The following ZNF92 variants were observed in gnomAD, a reference collection of about 807,000 sequenced individuals.
ZNF92 encodes epididymis luminal protein 203.
A neutral mutation model predicts 12.4 loss-of-function variants in ZNF92; 11 were observed. That is an observed-to-expected ratio of 0.89 (90% confidence interval 0.56 to 1.47). The LOEUF is 1.47. ZNF92 is among the 40% of genes most tolerant of loss of function. The pLI, the probability that ZNF92 is intolerant of heterozygous loss-of-function variation, is 0.00. For missense variants in ZNF92, 622 were observed against 681.0 expected (o/e 0.91, Z 0.96); for synonymous variants, 206 against 228.6 (o/e 0.90, Z 0.89).
At chr7:65,375,584 C>CT (rs938670542) in intron 1 of ZNF92, among the ~76,000 whole-genome samples, 2 of 151,738 alleles carry the variant, frequency 1.3e-5, no homozygotes, top group African/African-American at 2.4e-5. Flanking sequence ...CCAGGATTCT[C>CT]TAAGATTTGT....
intron 1 of ZNF92, among the ~76,000 whole-genome samples, chr7:65,382,439 G>T (rs1793446292): frequency 6.6e-6 from 1 of 151,900 alleles, no homozygotes; most frequent in Non-Finnish European, 1.5e-5. Flanking sequence ...TTTGTCTCAG[G>T]CTTCCAGTCA....
chr7:65,380,586 TTATC>T (rs1235018822), intron 1 of ZNF92, among the ~76,000 whole-genome samples: 5 of 152,160 alleles, frequency 3.3e-5, no homozygotes, highest in African/African-American at 9.7e-5. Flanking sequence ...TGTATTTTCT[TTATC>T]TAGCCTACCA....
At chr7:65,378,683 G>A (rs1045667032) in intron 1 of ZNF92, among the ~76,000 whole-genome samples, 5 of 151,730 alleles carry the variant, frequency 3.3e-5, no homozygotes, top group South Asian at 2.1e-4. Flanking sequence ...CAGAGCTTGC[G>A]GTGAGCCGAG....
rs899356976 is a variant in ZNF92, at chr7:65,393,641, A to T, written c.227-4700A>T. Among the ~76,000 whole-genome samples the T allele has an allele frequency of 2.0e-5, 3 of 151,804 alleles. No individual in the cohort carries two copies. In the East Asian group the frequency reaches 5.8e-4, roughly 29 times the overall value. On this transcript the variant is annotated intron_variant, in intron 3 of 3. Transcript: ENST00000328747. ...AAAAAATAACATGGGTTTTATTTTC[A>T]TTGCATCAACAGATTTGGTGCCTTT...
intron 1 of ZNF92, among the ~76,000 whole-genome samples, chr7:65,375,582 C>T (rs928724024): frequency 2.0e-5 from 3 of 151,686 alleles, no homozygotes; most frequent in African/African-American, 4.8e-5. Context: ...CCCCAGGATT[C>T]TCTAAGATTT....
At chr7:65,388,500 G>A (rs532191009) in intron 2 of ZNF92, among the ~76,000 whole-genome samples, 25 of 152,024 alleles carry the variant, frequency 1.6e-4, no homozygotes, top group East Asian at 9.7e-4. Flanking sequence ...TTAGCCAGGC[G>A]TGTTGGTGGG....
chr7:65,390,564 G>A (rs1793686025), intron 3 of ZNF92, among the ~76,000 whole-genome samples: 1 of 152,084 alleles, frequency 6.6e-6, no homozygotes, highest in East Asian at 1.9e-4. Context: ...TTGGGTATTT[G>A]TAATTTCCAT....
Position 65,400,055 on chromosome 7 carries a change from C to T in ZNF92, c.*180C>T, listed in dbSNP as rs1185504990. 3.6e-6 allele frequency: 2 copies of T among 556,374 alleles called. No individual in the cohort carries two copies. Among genetic ancestry groups the T allele is most frequent in the East Asian group, 5.9e-5 (2 of 33,708 alleles). 34.5% of individuals were successfully genotyped at this position (556,374 alleles called of 1,614,324 possible). A position where few individuals can be genotyped will look rare whatever the true frequency, so the allele number is the denominator to read the frequency against. ...ATGAAGAATGTGGCAAACTTTTAAC[C>T]AATCCTCACACCTTATTGCACAGGA... On this transcript the variant is annotated 3_prime_UTR_variant, in exon 4 of 4. Coordinates refer to ENST00000328747, the MANE Select transcript of ZNF92 (RefSeq NM_152626.4).
In ZNF92 at chr7:65,399,176, A is replaced by G; in HGVS notation, c.1062A>G (p.Ser354=). Residue 354 remains serine, a synonymous_variant, in exon 4 of 4, where the codon TCA becomes TCG. Transcript: ENST00000328747. ...GTGGCAAAGCCTTTAACCAGTTCTC[A>G]AACCTTACTAAACATAAGATAATTC... ...EECGKAFNQF[S]NLTKHKIIHT... 5 of 1,613,428 alleles carry G rather than the reference A, an allele frequency of 3.1e-6. No homozygotes were observed. The highest frequency in any genetic ancestry group is 4.2e-6 in the Non-Finnish European group (5 of 1,179,780).
Position 65,399,994 on chromosome 7 carries a change from G to T in ZNF92, c.*119G>T, listed in dbSNP as rs1237923263. On this transcript the variant is annotated 3_prime_UTR_variant, in exon 4 of 4. Transcript: ENST00000328747. ...AAATGGTTGTCACGCTTGATTGTAG[G>T]TAAGATAATTTATATTGGAGAAAAA... The T allele has an allele frequency of 4.4e-6, 4 of 902,770 alleles. No homozygotes were observed. The highest frequency in any genetic ancestry group is 4.7e-6 in the Non-Finnish European group (3 of 632,200). The allele number at this position is 902,770 out of a possible 1,614,324, so 55.9% of individuals were successfully genotyped here.
At chr7:65,382,648 G>A (rs1214470075) in intron 1 of ZNF92, among the ~76,000 whole-genome samples, 1 of 152,050 alleles carries the variant, frequency 6.6e-6, no homozygotes, top group African/African-American at 2.4e-5. Context: ...CTGATTCAGA[G>A]ACTGTGGGGC....
Position 65,399,852 on chromosome 7 carries a change from A to C in ZNF92, c.1738A>C (p.Thr580Pro). The change falls in exon 4 of 4, where the codon ACT becomes CCT. Residue 580 changes from threonine to proline, a missense_variant. Physicochemically the swap from Thr to Pro is conservative, Grantham distance 38. Transcript: ENST00000328747. Reference protein sequence around the residue: ...GRAFNKSSNYTKEKLQT With the variant: ...GRAFNKSSNYPKEKLQT The stretch of plus-strand genomic sequence containing the variant: ...AGCCTTTAACAAATCCTCAAATTAT[A>C]CTAAAGAGAAACTACAAACCTGAAA... 1.3e-6 allele frequency: 2 copies of C among 1,582,482 alleles called. No homozygotes were observed. Among genetic ancestry groups the C allele is most frequent in the Non-Finnish European group, 1.7e-6 (2 of 1,166,556 alleles).
intron 1 of ZNF92, among the ~76,000 whole-genome samples, chr7:65,378,728 C>G (rs1793322103): frequency 6.9e-6 from 1 of 144,546 alleles, no homozygotes; most frequent in African/African-American, 2.5e-5. Flanking sequence ...GGCGACAGAG[C>G]AAGACTCCGT....
In ZNF92 at chr7:65,400,504, A is replaced by G. The variant is rs1793986013; in HGVS notation, c.*629A>G. 1 of 152,062 alleles carries G rather than the reference A, an allele frequency of 6.6e-6. No individual in the cohort carries two copies. The highest frequency in any genetic ancestry group is 2.4e-5 in the African/African-American group (1 of 41,434). 9.4% of individuals were successfully genotyped at this position (152,062 alleles called of 1,614,324 possible). A position where few individuals can be genotyped will look rare whatever the true frequency, so the allele number is the denominator to read the frequency against. ...TAAATATGAAAAATATTTAATCCCA[A>G]ATTAAGTCTATGTAAATATCAGAAT... On this transcript the variant is annotated 3_prime_UTR_variant, in exon 4 of 4. Transcript: ENST00000328747.
intron 3 of ZNF92, among the ~76,000 whole-genome samples, chr7:65,393,865 CTT>C (rs1463832849): frequency 1.3e-5 from 2 of 151,920 alleles, no homozygotes; most frequent in Non-Finnish European, 2.9e-5. Context: ...ATATGATAAA[CTT>C]TATATGATAA....
chr7:65,388,080 C>A, intron 2 of ZNF92, 52 bp downstream of exon 2: 1 of 1,530,024 alleles, frequency 6.5e-7, no homozygotes, highest in Non-Finnish European at 8.7e-7. Flanking sequence ...TTTCATTTCT[C>A]CTCTTTGTAA....
At position 65,398,119 on chromosome 7, in the gene ZNF92, C is replaced by T. The variant is rs139512404; in HGVS notation, c.227-222C>T. 5.4e-4 allele frequency among the ~76,000 whole-genome samples: 82 copies of T among 152,224 alleles called. 1 individual carries two copies. The East Asian group carries it at 0.014, about 26-fold the overall frequency. ...TATGTAGCTCTTTGCATTGTTCTCA[C>T]CTGGGGCACTGTACACATTTAACTC... is the stretch of plus-strand genomic sequence containing the variant. On this transcript the variant is annotated intron_variant, in intron 3 of 3. Coordinates refer to ENST00000328747, the MANE Select transcript of ZNF92 (RefSeq NM_152626.4).
intron 1 of ZNF92, among the ~76,000 whole-genome samples, chr7:65,384,156 A>G (rs1444725744): frequency 6.6e-6 from 1 of 151,886 alleles, no homozygotes; most frequent in Non-Finnish European, 1.5e-5. Context: ...AAGCCCTAAG[A>G]GATTTGTTTA....
intron 1 of ZNF92, among the ~76,000 whole-genome samples, chr7:65,385,066 A>C (rs1240028276): frequency 6.6e-6 from 1 of 152,126 alleles, no homozygotes; most frequent in Non-Finnish European, 1.5e-5. Context: ...TATTTTGACA[A>C]GAGTGCTGAG....
Sources: allele counts gnomAD v4.1 joint callset (sites outside exome capture counted in the v4.1 genomes callset), GRCh38; gene constraint gnomAD v4.1.1; transcripts MANE v1.5; gene names NCBI Gene and HGNC (gene_info 2026-07-23, HGNC 2026-07-21).